Variants in AKAP13 observed in about 807,000 individuals in gnomAD.
AKAP13 encodes the protein A-kinase anchor protein 13.
Under a neutral mutation model 264.5 loss-of-function variants are expected in AKAP13, and 80 were observed. The ratio of observed to expected loss-of-function variants is 0.30; its 90% CI spans 0.25 to 0.36. AKAP13 has a LOEUF of 0.36. AKAP13 is among the 10% of genes least tolerant of loss of function. AKAP13 has a pLI of 1.00. For missense variants in AKAP13, 3,712 were observed against 3,435.2 expected (o/e 1.08, Z -2.01); for synonymous variants, 1,380 against 1,250.2 (o/e 1.10, Z -2.19).
intron 5 of AKAP13, among the ~76,000 whole-genome samples, chr15:85,549,923 T>C (rs370329127): frequency 6.6e-6 from 1 of 152,072 alleles, no homozygotes; most frequent in East Asian, 1.9e-4. Flanking sequence ...TCATCTCTGA[T>C]TGATTGATTG....
chr15:85,666,264 C>T (rs1044865877), intron 13 of AKAP13, among the ~76,000 whole-genome samples: 4 of 152,126 alleles, frequency 2.6e-5, no homozygotes, highest in Non-Finnish European at 5.9e-5. Flanking sequence ...ATTTGCATTT[C>T]TCTGATGGCC....
intron 8 of AKAP13, among the ~76,000 whole-genome samples, chr15:85,631,469 A>AAC (rs1174686413): frequency 6.7e-6 from 1 of 149,988 alleles, no homozygotes. Flanking sequence ...AATGCAAAAT[A>AAC]ACACACACAC....
rs186091653 is a variant in AKAP13, at chr15:85,579,735, G to A, written c.1667G>A (p.Ser556Asn). Reference protein sequence around the residue: ...NKPAESSLAFSNEETSTEKTA... With the variant: ...NKPAESSLAFNNEETSTEKTA... The stretch of plus-strand genomic sequence containing the variant: ...CCTGCTGAGTCTTCACTTGCATTTA[G>A]TAATGAAGAAACCTCCACTGAAAAA... The change falls in exon 7 of 37, where the codon AGT becomes AAT. Residue 556 changes from serine to asparagine, a missense_variant. Coordinates refer to ENST00000394518, the MANE Select transcript of AKAP13 (RefSeq NM_007200.5). 1.4e-4 allele frequency: 219 copies of A among 1,614,198 alleles called. No individual in the cohort carries two copies. The highest frequency in any genetic ancestry group is 1.2e-3 in the Admixed American group (75 of 60,024).
chr15:85,386,657 A>G (rs2070578371), intron 1 of AKAP13, among the ~76,000 whole-genome samples: 1 of 152,118 alleles, frequency 6.6e-6, no homozygotes, highest in Non-Finnish European at 1.5e-5. Flanking sequence ...AATTTTCCTA[A>G]ATGGTGCAAG....
At chr15:85,445,609 T>G (rs1446284612) in intron 1 of AKAP13, among the ~76,000 whole-genome samples, 1 of 152,230 alleles carries the variant, frequency 6.6e-6, no homozygotes, top group Non-Finnish European at 1.5e-5. Context: ...CTTTGGACTT[T>G]CATAGCACTG....
intron 10 of AKAP13, among the ~76,000 whole-genome samples, chr15:85,647,877 G>T (rs949206793): frequency 3.3e-5 from 5 of 152,042 alleles, no homozygotes; most frequent in African/African-American, 1.2e-4. Flanking sequence ...GCAGTGAGCC[G>T]AGATTGTGCC....
intron 8 of AKAP13, chr15:85,627,493 T>A (rs773295119): frequency 3.9e-5 from 6 of 152,236 alleles, no homozygotes; most frequent in Non-Finnish European, 5.9e-5. Flanking sequence ...GTTTCCTTCC[T>A]CCCTACTCTC....
In AKAP13 at chr15:85,733,873, CTTT is replaced by C. The variant is rs72092500; in HGVS notation, c.7283-1100_7283-1098del. On this transcript the variant is annotated intron_variant, in intron 30 of 36. Transcript: ENST00000394518. ...TTTGTCATTTTCTTTTCTTTCTTTTCTTTTTTTTTTTTTTTTTTTTTGAGACAG... is the reference window on the plus strand; with the variant it reads ...TTTGTCATTTTCTTTTCTTTCTTTTCTTTTTTTTTTTTTTTTTTGAGACAG... Among the ~76,000 whole-genome samples the C allele has an allele frequency of 6.4e-3, 529 of 82,604 alleles. 1 individual carries two copies. Among genetic ancestry groups the C allele is most frequent in the Non-Finnish European group, 0.01 (451 of 43,358 alleles). 54.2% of individuals were successfully genotyped at this position (82,604 alleles called of 152,430 possible).
chr15:85,591,137 G>A (rs1353320323), intron 8 of AKAP13, among the ~76,000 whole-genome samples: 1 of 152,206 alleles, frequency 6.6e-6, no homozygotes, highest in Non-Finnish European at 1.5e-5. Flanking sequence ...TATAAGAGAA[G>A]AAATGGATTC....
At chr15:85,422,917 G>A (rs1263096335) in intron 1 of AKAP13, among the ~76,000 whole-genome samples, 1 of 152,216 alleles carries the variant, frequency 6.6e-6, no homozygotes, top group Non-Finnish European at 1.5e-5. Context: ...CAGACTACTG[G>A]AATAAAGTGA....
At chr15:85,511,409 C>T (rs1463433766) in intron 2 of AKAP13, among the ~76,000 whole-genome samples, 3 of 152,184 alleles carry the variant, frequency 2.0e-5, no homozygotes, top group Non-Finnish European at 4.4e-5. Flanking sequence ...TTTTTGACAG[C>T]TTGCCCTGTT....
intron 5 of AKAP13, among the ~76,000 whole-genome samples, chr15:85,564,286 A>G (rs1004447238): frequency 2.0e-5 from 3 of 152,200 alleles, no homozygotes; most frequent in Non-Finnish European, 4.4e-5. Flanking sequence ...ATGAACTCCT[A>G]TATATCCTTC....
intron 16 of AKAP13, among the ~76,000 whole-genome samples, chr15:85,686,072 A>G (rs2084894472): frequency 6.6e-6 from 1 of 152,054 alleles, no homozygotes; most frequent in Non-Finnish European, 1.5e-5. Flanking sequence ...TCTACCCACA[A>G]CACCCTCTAA....
intron 17 of AKAP13, among the ~76,000 whole-genome samples, chr15:85,706,695 T>A (rs979427868): frequency 6.6e-6 from 1 of 152,168 alleles, no homozygotes; most frequent in African/African-American, 2.4e-5. Flanking sequence ...AGCATTTGAA[T>A]AGGATGCATG....
chr15:85,439,833 G>T (rs918264134), intron 1 of AKAP13, among the ~76,000 whole-genome samples: 2 of 99,778 alleles, frequency 2.0e-5, no homozygotes, highest in African/African-American at 7.7e-5. Context: ...GGTGGGGGGA[G>T]GGGGGAGGGA....
rs2089325260 is a variant in AKAP13 at position 85,744,994 on chromosome 15, A to C, written c.*317A>C. On this transcript the variant is annotated 3_prime_UTR_variant, in exon 37 of 37. Transcript: ENST00000394518. The stretch of plus-strand genomic sequence containing the variant: ...GGTTTTGGACACGTCAGGAATTCCT[A>C]AAGGCTGAAAGAGTGTATCCAAGTA... The C allele has an allele frequency of 3.9e-6, 1 of 257,414 alleles. No individual in the cohort carries two copies. Among genetic ancestry groups the C allele is most frequent in the Non-Finnish European group, 7.4e-6 (1 of 134,662 alleles). 15.9% of individuals were successfully genotyped at this position (257,414 alleles called of 1,614,324 possible). A position where few individuals can be genotyped will look rare whatever the true frequency, so the allele number is the denominator to read the frequency against.
At chr15:85,524,952 T>C (rs2151167363) in intron 3 of AKAP13, among the ~76,000 whole-genome samples, 1 of 152,034 alleles carries the variant, frequency 6.6e-6, no homozygotes, top group South Asian at 2.1e-4. Flanking sequence ...GTAGTTATGA[T>C]GTGATTTCCC....
chr15:85,624,954 T>C (rs1284856068), intron 8 of AKAP13, among the ~76,000 whole-genome samples: 1 of 152,214 alleles, frequency 6.6e-6, no homozygotes, highest in Non-Finnish European at 1.5e-5. Context: ...CCATATTTCA[T>C]GTGCACCATA....
rs892582724 is a variant in AKAP13 at position 85,745,128 on chromosome 15, G to A, written c.*451G>A. 1.9e-4 allele frequency: 30 copies of A among 155,360 alleles called. No homozygotes were observed. Among genetic ancestry groups the A allele is most frequent in the African/African-American group, 5.1e-4 (21 of 41,548 alleles). 9.6% of individuals were successfully genotyped at this position (155,360 alleles called of 1,614,324 possible). A position where few individuals can be genotyped will look rare whatever the true frequency, so the allele number is the denominator to read the frequency against. Reference sequence around the variant, plus strand: ...TGGGGACCTGTCTGCATATACACACGGGGAATGCCAGAAGAAGGCCCAGTC... The same window carrying A: ...TGGGGACCTGTCTGCATATACACACAGGGAATGCCAGAAGAAGGCCCAGTC... On this transcript the variant is annotated 3_prime_UTR_variant, in exon 37 of 37. Coordinates refer to ENST00000394518, the MANE Select transcript of AKAP13 (RefSeq NM_007200.5).
Sources: allele counts gnomAD v4.1 joint callset (sites outside exome capture counted in the v4.1 genomes callset), GRCh38; gene constraint gnomAD v4.1.1; transcripts MANE v1.5; gene names NCBI Gene and HGNC (gene_info 2026-07-23, HGNC 2026-07-21).